Variants in NAV3 observed in about 807,000 individuals in gnomAD.
NAV3 encodes neuron navigator 3, also known as pore membrane and/or filament interacting like protein 1.
NAV3 carries 87 observed loss-of-function variants against 244.7 expected under a neutral mutation model. The observed-to-expected ratio is 0.36, with a 90% CI of 0.30 to 0.42. The LOEUF is 0.42. Ranked by LOEUF, NAV3 falls within the 20% of genes least tolerant of loss-of-function variation. The pLI, the probability that NAV3 is intolerant of heterozygous loss-of-function variation, is 1.00. For synonymous variants in NAV3, 1,126 were observed against 1,042.2 expected (o/e 1.08, Z -1.55); for missense variants, 2,663 against 2,893.3 (o/e 0.92, Z 1.83).
At chr12:78,143,051 T>A (rs1956697761) in intron 20 of NAV3, among the ~76,000 whole-genome samples, 1 of 152,104 alleles carries the variant, frequency 6.6e-6, no homozygotes, top group Non-Finnish European at 1.5e-5. Context: ...AAATGCTTTT[T>A]AAACTATCAC....
At chr12:78,167,300 T>G (rs1051777582) in intron 23 of NAV3, among the ~76,000 whole-genome samples, 1 of 151,700 alleles carries the variant, frequency 6.6e-6, no homozygotes, top group African/African-American at 2.4e-5. Flanking sequence ...GTCAAGTATT[T>G]GAAGACCCAT....
intron 2 of NAV3, among the ~76,000 whole-genome samples, chr12:77,693,416 T>C (rs1272633163): frequency 1.3e-5 from 2 of 151,910 alleles, no homozygotes; most frequent in African/African-American, 4.8e-5. Context: ...GTCTATAACC[T>C]AGAAATCATT....
intron 1 of NAV3, among the ~76,000 whole-genome samples, chr12:77,912,083 A>G (rs1886654995): frequency 6.6e-6 from 1 of 152,124 alleles, no homozygotes; most frequent in Non-Finnish European, 1.5e-5. Flanking sequence ...GGTAATGTAA[A>G]TTTCCTGGCA....
At chr12:77,988,294 AGTGATTAGTAAAAAT>A (rs1280125130) in intron 5 of NAV3, among the ~76,000 whole-genome samples, 5 of 152,296 alleles carry the variant, frequency 3.3e-5, no homozygotes, top group African/African-American at 1.2e-4. Flanking sequence ...GTGAGGCTGT[AGTGATTAGTAAAAAT>A]GTGTAACCAC....
intron 34 of NAV3, among the ~76,000 whole-genome samples, chr12:78,192,720 C>T (rs1053635955): frequency 6.6e-6 from 1 of 152,008 alleles, no homozygotes; most frequent in Non-Finnish European, 1.5e-5. Context: ...CAGAAAGAAA[C>T]TCTTGAACAA....
chr12:77,594,321 A>C (rs1171963861), intron 2 of NAV3, among the ~76,000 whole-genome samples: 3 of 152,172 alleles, frequency 2.0e-5, no homozygotes, highest in Non-Finnish European at 4.4e-5. Flanking sequence ...TGCTAGAAAA[A>C]AAAAAAGATC....
chr12:77,976,003 C>T (rs1868340106), intron 5 of NAV3, among the ~76,000 whole-genome samples: 1 of 152,024 alleles, frequency 6.6e-6, no homozygotes, highest in African/African-American at 2.4e-5. Flanking sequence ...AACTGATAGA[C>T]TTGTAATGAA....
At chr12:77,742,090 T>TA in intron 2 of NAV3, among the ~76,000 whole-genome samples, 1 of 152,114 alleles carries the variant, frequency 6.6e-6, no homozygotes, top group African/African-American at 2.4e-5. Context: ...ATTTTTATGG[T>TA]TTCTTCACTA....
intron 28 of NAV3, among the ~76,000 whole-genome samples, 164 bp downstream of exon 28, chr12:78,177,849 C>T (rs71462127): frequency 0.02 from 3,064 of 152,126 alleles, 46 homozygotes; most frequent in Non-Finnish European, 0.03. Context: ...AACCTGCAAT[C>T]CAGTTTTCTT....
chr12:77,774,056 TA>T (rs1160350238), intron 2 of NAV3, among the ~76,000 whole-genome samples: 2 of 152,198 alleles, frequency 1.3e-5, no homozygotes, highest in Non-Finnish European at 2.9e-5. Flanking sequence ...ATTGTGTTTA[TA>T]TTTTTTTACA....
intron 20 of NAV3, among the ~76,000 whole-genome samples, chr12:78,144,469 T>C (rs750185390): frequency 1.3e-5 from 2 of 152,110 alleles, no homozygotes; most frequent in Non-Finnish European, 2.9e-5. Context: ...AAAAATATAT[T>C]AATATTCTGG....
At chr12:78,022,075 A>G (rs1239112115) in intron 9 of NAV3, among the ~76,000 whole-genome samples, 2 of 152,162 alleles carry the variant, frequency 1.3e-5, no homozygotes. Flanking sequence ...TCAGAAGTGA[A>G]GACTTTAAGT....
rs528386441 is a variant in NAV3, at chr12:77,725,832, T to C, written c.72+153566T>C. Reference sequence around the variant, plus strand: ...ACAGGGCTGCATTCCTTCTGGAAGATCTGTGGGCGAATCCATTTCATTGCT... The same window carrying C: ...ACAGGGCTGCATTCCTTCTGGAAGACCTGTGGGCGAATCCATTTCATTGCT... On this transcript the variant is annotated intron_variant, in intron 2 of 8. Coordinates refer to the NAV3 transcript ENST00000550042. 5.3e-4 allele frequency among the ~76,000 whole-genome samples: 81 copies of C among 152,036 alleles called. 1 individual carries two copies. Among genetic ancestry groups the C allele is most frequent in the Admixed American group, 1.8e-3 (27 of 15,234 alleles).
chr12:78,025,659 T>A (rs992789018), intron 9 of NAV3, among the ~76,000 whole-genome samples: 1 of 145,546 alleles, frequency 6.9e-6, no homozygotes, highest in Non-Finnish European at 1.5e-5. Context: ...TGGGGCCTCA[T>A]GGGAGGTGTT....
chr12:77,811,413 C>T (rs1291556732), intron 2 of NAV3, among the ~76,000 whole-genome samples: 2 of 152,196 alleles, frequency 1.3e-5, no homozygotes, highest in East Asian at 3.9e-4. Context: ...AGCCTTTCTT[C>T]ACCTCCACCA....
intron 2 of NAV3, among the ~76,000 whole-genome samples, chr12:77,775,309 T>A (rs145309373): frequency 6.6e-6 from 1 of 151,964 alleles, no homozygotes; most frequent in East Asian, 1.9e-4. Context: ...CGAAAATTGC[T>A]TGAACCTGGA....
intron 7 of NAV3, among the ~76,000 whole-genome samples, chr12:78,003,750 A>G (rs955532811): frequency 4.6e-5 from 7 of 152,208 alleles, no homozygotes; most frequent in Admixed American, 4.6e-4. Context: ...AGTCATCAAT[A>G]TTGTTTATTT....
At chr12:78,112,403 C>A (rs1428317831) in intron 12 of NAV3, among the ~76,000 whole-genome samples, 1 of 152,172 alleles carries the variant, frequency 6.6e-6, no homozygotes, top group East Asian at 1.9e-4. Context: ...TGAAGACATA[C>A]CCCAAATTGG....
In NAV3 at chr12:78,028,560, A is replaced by G. The variant is rs190312756; in HGVS notation, c.2023+6698A>G. ...GGACGGAGTAACTGAGATTGGATGT[A>G]CTTATACAGCAGGAACCCATAAATG... is the stretch of plus-strand genomic sequence containing the variant. On this transcript the variant is annotated intron_variant, in intron 9 of 39. Transcript: ENST00000397909. Among the ~76,000 whole-genome samples the G allele has an allele frequency of 7.2e-5, 11 of 152,328 alleles. No individual in the cohort carries two copies. In the East Asian group the frequency reaches 2.1e-3, roughly 29 times the overall value.
Sources: allele counts gnomAD v4.1 joint callset (sites outside exome capture counted in the v4.1 genomes callset), GRCh38; gene constraint gnomAD v4.1.1; transcripts MANE v1.5; gene names NCBI Gene and HGNC (gene_info 2026-07-23, HGNC 2026-07-21).